Variants in ACAD10 observed in about 807,000 individuals in gnomAD.
ACAD10 encodes ACAD-10.
ACAD10 carries 112 observed loss-of-function variants against 116.8 expected under a neutral mutation model. The ratio of observed to expected loss-of-function variants is 0.96; its 90% CI spans 0.82 to 1.12. The LOEUF (loss-of-function observed/expected upper bound fraction) is 1.12. ACAD10 is among the 50% of genes most tolerant of loss of function. ACAD10 has a pLI of 0.00. For synonymous variants in ACAD10, 486 were observed against 510.6 expected (o/e 0.95, Z 0.65); for missense variants, 1,259 against 1,350.2 (o/e 0.93, Z 1.06).
At chr12:111,697,103 T>A (rs1239756762) in intron 2 of ACAD10, among the ~76,000 whole-genome samples, 1 of 148,496 alleles carries the variant, frequency 6.7e-6, no homozygotes, top group African/African-American at 2.5e-5. Flanking sequence ...AAATTGGGCA[T>A]GGTAGTCCAT....
At chr12:111,720,468 T>A (rs1178954149) in intron 7 of ACAD10, among the ~76,000 whole-genome samples, 2 of 152,250 alleles carry the variant, frequency 1.3e-5, no homozygotes, top group Admixed American at 6.5e-5. Flanking sequence ...TTCGAAGCTC[T>A]GTTGTTTAGC....
At chr12:111,688,677 C>A (rs1394420721) in intron 1 of ACAD10, among the ~76,000 whole-genome samples, 1 of 151,834 alleles carries the variant, frequency 6.6e-6, no homozygotes, top group African/African-American at 2.4e-5. Context: ...TGGTGGCGAG[C>A]GCCTGTAGTC....
Position 111,729,925 on chromosome 12 carries a change from C to T in ACAD10, c.1363C>T (p.Gln455Ter). Residue 455 changes from glutamine to a stop codon, truncating the protein, a stop_gained, in exon 10 of 21, where the codon CAG becomes TAG. Transcript: ENST00000313698. LOFTEE classifies it high-confidence loss of function. ...GCTGCCCCTCCATCTTCCCCGTCAGCAGAGGACCACAGTGGTGCACGGGGA... is the reference window on the plus strand; with the variant it reads ...GCTGCCCCTCCATCTTCCCCGTCAGTAGAGGACCACAGTGGTGCACGGGGA... ...EWLPLHLPRQQRTTVVHGDFR... is the reference protein window; with the variant it reads ...EWLPLHLPRQ 6.2e-7 allele frequency: 1 copy of T among 1,614,126 alleles called. No individual in the cohort carries two copies. Among genetic ancestry groups the T allele is most frequent in the Non-Finnish European group, 8.5e-7 (1 of 1,180,020 alleles).
At chr12:111,730,656 A>G (rs545030953) in intron 10 of ACAD10, among the ~76,000 whole-genome samples, 8 of 152,146 alleles carry the variant, frequency 5.3e-5, no homozygotes, top group African/African-American at 1.4e-4. Context: ...TGATGCAAGC[A>G]TGCCTTATTT....
chr12:111,721,767 A>C (rs377061896), intron 8 of ACAD10, 28 bp downstream of exon 8: 4 of 1,565,692 alleles, frequency 2.6e-6, no homozygotes, highest in Non-Finnish European at 3.5e-6. Flanking sequence ...TTGCTATTGC[A>C]CTTTCAAGCT....
At chr12:111,699,779 G>A (rs1888297188) in intron 2 of ACAD10, among the ~76,000 whole-genome samples, 1 of 151,854 alleles carries the variant, frequency 6.6e-6, no homozygotes, top group Admixed American at 6.6e-5. Flanking sequence ...AATTAGCTGG[G>A]CATGGTAGCA....
At chr12:111,725,089 A>G (rs1388462171) in intron 8 of ACAD10, among the ~76,000 whole-genome samples, 1 of 152,234 alleles carries the variant, frequency 6.6e-6, no homozygotes, top group Non-Finnish European at 1.5e-5. Flanking sequence ...AACATTGTTA[A>G]CATTTTGCCA....
chr12:111,731,556 A>C (rs1391815720), intron 10 of ACAD10, among the ~76,000 whole-genome samples: 1 of 152,210 alleles, frequency 6.6e-6, no homozygotes, highest in African/African-American at 2.4e-5. Flanking sequence ...TACAGCAGGC[A>C]GGAGATATCC....
rs75063348 is a variant in ACAD10 at position 111,729,973 on chromosome 12, G to A, written c.1394+17G>A. Reference sequence around the variant, plus strand: ...GGACTTCAGGTAGATGTGGTGGCAGGGAGAGCTGAAAAATGACAGCAAGGA... The same window carrying A: ...GGACTTCAGGTAGATGTGGTGGCAGAGAGAGCTGAAAAATGACAGCAAGGA... On this transcript the variant is annotated intron_variant, in intron 10 of 20. Coordinates refer to ENST00000313698, the MANE Select transcript of ACAD10 (RefSeq NM_025247.6). 2.4e-3 allele frequency: 3,832 copies of A among 1,610,480 alleles called. 95 individuals are homozygous for A. In the African/African-American group the frequency reaches 0.046, roughly 19 times the overall value.
At chr12:111,700,482 T>A (rs1042236836) in intron 2 of ACAD10, among the ~76,000 whole-genome samples, 1 of 152,134 alleles carries the variant, frequency 6.6e-6, no homozygotes, top group African/African-American at 2.4e-5. Context: ...TTGACAGAAA[T>A]TATCAAATTG....
chr12:111,703,428 C>T (rs986324896), intron 3 of ACAD10, among the ~76,000 whole-genome samples: 2 of 152,034 alleles, frequency 1.3e-5, no homozygotes, highest in African/African-American at 2.4e-5. Flanking sequence ...CTCATGTAAC[C>T]ACAATAGCTC....
At chr12:111,753,439 C>T (rs1890125441) in intron 18 of ACAD10, 1 of 508,940 alleles carries the variant, frequency 2.0e-6, no homozygotes, top group South Asian at 1.6e-5. Context: ...CAGATGCTGG[C>T]TCAGATCTAT....
rs759169305 is a variant in ACAD10 at position 111,747,393 on chromosome 12, G to T, written c.2485+8G>T. 5.0e-6 allele frequency: 8 copies of T among 1,613,884 alleles called. No homozygotes were observed. The African/African-American group carries it at 1.1e-4, about 22-fold the overall frequency. On this transcript the variant is annotated splice_region_variant and intron_variant, in intron 16 of 20. Transcript: ENST00000313698. Reference sequence around the variant, plus strand: ...ACAAATGGTGGATCACAGGTATTTGGCCTAAAATGCACTTTCCAAATGCAC... The same window carrying T: ...ACAAATGGTGGATCACAGGTATTTGTCCTAAAATGCACTTTCCAAATGCAC...
Position 111,736,836 on chromosome 12 carries a change from A to G in ACAD10, c.1546A>G (p.Asn516Asp), listed in dbSNP as rs1889579691. Reference protein sequence around the residue: ...PSSFPVLRGINDCDLTQLGIP... With the variant: ...PSSFPVLRGIDDCDLTQLGIP... ...TGGCTCTGTCTTTCTCGCAGGTATTAATGACTGTGACTTGACACAGCTGGG... is the reference window on the plus strand; with the variant it reads ...TGGCTCTGTCTTTCTCGCAGGTATTGATGACTGTGACTTGACACAGCTGGG... The change falls in exon 12 of 21, where the codon AAT becomes GAT. Residue 516 changes from asparagine (N) to aspartate (D), a missense_variant. By Grantham distance (23) the Asn-to-Asp change is conservative. Coordinates refer to ENST00000313698, the MANE Select transcript of ACAD10 (RefSeq NM_025247.6). 3 of 1,613,034 alleles carry G rather than the reference A, an allele frequency of 1.9e-6. No individual in the cohort carries two copies. In the South Asian group the frequency reaches 3.3e-5, roughly 18 times the overall value.
At chr12:111,724,553 G>C (rs1186330627) in intron 8 of ACAD10, among the ~76,000 whole-genome samples, 2 of 152,224 alleles carry the variant, frequency 1.3e-5, no homozygotes, top group Admixed American at 1.3e-4. Flanking sequence ...CTGCAATCCC[G>C]GCACCTCGGG....
chr12:111,722,011 T>G (rs1412315230), intron 8 of ACAD10: 1 of 272,006 alleles, frequency 3.7e-6, no homozygotes, highest in Non-Finnish European at 6.8e-6. Context: ...CTTTATTTAT[T>G]TTTTTAATCA....
intron 12 of ACAD10, among the ~76,000 whole-genome samples, chr12:111,737,340 G>A (rs1433520407): frequency 1.3e-5 from 2 of 151,826 alleles, no homozygotes; most frequent in East Asian, 1.9e-4. Context: ...GCGCCACCAC[G>A]CCTGGCTAAT....
chr12:111,755,107 C>T (rs1668541427), intron 19 of ACAD10, among the ~76,000 whole-genome samples: 1 of 151,940 alleles, frequency 6.6e-6, no homozygotes, highest in Non-Finnish European at 1.5e-5. Flanking sequence ...TTTAGTTTTT[C>T]GTTTTGTTTT....
At chr12:111,723,861 C>T (rs1289745221) in intron 8 of ACAD10, among the ~76,000 whole-genome samples, 1 of 151,756 alleles carries the variant, frequency 6.6e-6, no homozygotes, top group Non-Finnish European at 1.5e-5. Context: ...GGTCTCCTCA[C>T]TTCTCAGACA....
Sources: gnomAD v4.1 joint callset for allele counts (sites outside exome capture counted in the v4.1 genomes callset) on GRCh38, gnomAD v4.1.1 for gene constraint, MANE v1.5 for transcripts, NCBI Gene and HGNC (gene_info 2026-07-23, HGNC 2026-07-21) for gene names.